Variants in PTPRD observed in about 807,000 individuals in gnomAD.
PTPRD encodes protein tyrosine phosphatase receptor type D.
A neutral mutation model predicts 214.5 loss-of-function variants in PTPRD; 34 were observed. That is an observed-to-expected ratio of 0.16 (90% confidence interval 0.12 to 0.21). The LOEUF (loss-of-function observed/expected upper bound fraction) is 0.21. Ranked by LOEUF, PTPRD falls within the 10% of genes least tolerant of loss-of-function variation. PTPRD has a pLI of 1.00. For missense variants in PTPRD, 2,545 were observed against 2,398.7 expected (o/e 1.06, Z -1.27); for synonymous variants, 1,128 against 845.7 (o/e 1.33, Z -5.79).
At chr9:10,142,541 C>T (rs1178775159) in intron 3 of PTPRD, among the ~76,000 whole-genome samples, 1 of 151,958 alleles carries the variant, frequency 6.6e-6, no homozygotes, top group Non-Finnish European at 1.5e-5. Context: ...CCATCACTAG[C>T]CATCAGAGAA....
intron 2 of PTPRD, among the ~76,000 whole-genome samples, chr9:10,584,272 T>C (rs547499466): frequency 2.5e-4 from 38 of 152,216 alleles, no homozygotes; most frequent in African/African-American, 8.2e-4. Context: ...AGGAACTGTA[T>C]TTGGCTCCTA....
chr9:8,337,742 T>C (rs1221495896), intron 43 of PTPRD, among the ~76,000 whole-genome samples: 3 of 152,084 alleles, frequency 2.0e-5, no homozygotes, highest in Admixed American at 1.3e-4. Flanking sequence ...ATGTGTGGAA[T>C]AGGAAAGGTG....
At chr9:9,003,208 T>C (rs1326876250) in intron 11 of PTPRD, among the ~76,000 whole-genome samples, 1 of 152,048 alleles carries the variant, frequency 6.6e-6, no homozygotes, top group African/African-American at 2.4e-5. Flanking sequence ...TACTTGAAAG[T>C]AACTGCCTCA....
At chr9:9,338,760 G>T (rs1488963487) in intron 9 of PTPRD, among the ~76,000 whole-genome samples, 3 of 151,954 alleles carry the variant, frequency 2.0e-5, no homozygotes, top group Non-Finnish European at 2.9e-5. Flanking sequence ...TGTTACATAG[G>T]TATACACATG....
chr9:8,487,425 A>C (rs1331175369), intron 27 of PTPRD, among the ~76,000 whole-genome samples: 5 of 151,946 alleles, frequency 3.3e-5, no homozygotes, highest in Non-Finnish European at 5.9e-5. Flanking sequence ...AAACTAAACC[A>C]AGTTAACAGA....
chr9:8,777,391 A>T (rs1164328887), intron 11 of PTPRD, among the ~76,000 whole-genome samples: 1 of 152,232 alleles, frequency 6.6e-6, no homozygotes, highest in African/African-American at 2.4e-5. Context: ...GAAAAATGAC[A>T]TCAATGTAAA....
chr9:10,526,616 G>T (rs997309759), intron 2 of PTPRD, among the ~76,000 whole-genome samples: 9 of 151,998 alleles, frequency 5.9e-5, no homozygotes, highest in African/African-American at 2.2e-4. Context: ...TTCCTAATAA[G>T]TTTCCACACA....
At chr9:9,582,236 G>A (rs1192356463) in intron 7 of PTPRD, among the ~76,000 whole-genome samples, 1 of 152,066 alleles carries the variant, frequency 6.6e-6, no homozygotes, top group Non-Finnish European at 1.5e-5. Flanking sequence ...TTAAGTTCTG[G>A]CAAAAGGACA....
chr9:8,749,854 C>T (rs1043962463), intron 11 of PTPRD, among the ~76,000 whole-genome samples: 1 of 152,094 alleles, frequency 6.6e-6, no homozygotes, highest in African/African-American at 2.4e-5. Flanking sequence ...GTAATCACAA[C>T]ACTTTGGGAG....
At chr9:9,823,218 G>A (rs959491910) in intron 5 of PTPRD, among the ~76,000 whole-genome samples, 1 of 152,140 alleles carries the variant, frequency 6.6e-6, no homozygotes, top group African/African-American at 2.4e-5. Flanking sequence ...TTTATAGGAA[G>A]CACAGTGCCT....
intron 35 of PTPRD, among the ~76,000 whole-genome samples, chr9:8,408,723 C>G (rs2093263767): frequency 6.6e-6 from 1 of 152,080 alleles, no homozygotes; most frequent in Admixed American, 6.6e-5. Flanking sequence ...GATGCCGCAC[C>G]ATTTTACATT....
intron 3 of PTPRD, among the ~76,000 whole-genome samples, chr9:10,164,378 A>C (rs940560788): frequency 6.6e-6 from 1 of 151,492 alleles, no homozygotes; most frequent in Non-Finnish European, 1.5e-5. Context: ...TCTAGTCATG[A>C]GTTTTCCAGA....
intron 2 of PTPRD, among the ~76,000 whole-genome samples, chr9:10,475,960 C>G (rs1034639774): frequency 3.3e-5 from 5 of 151,932 alleles, no homozygotes; most frequent in Admixed American, 6.6e-5. Context: ...TCTCAATAAA[C>G]TAGATATTGA....
intron 3 of PTPRD, among the ~76,000 whole-genome samples, chr9:10,227,345 T>C (rs1564646114): frequency 6.6e-6 from 1 of 152,046 alleles, no homozygotes; most frequent in African/African-American, 2.4e-5. Context: ...GGATTAAAAA[T>C]ATGTTGTAAG....
intron 4 of PTPRD, among the ~76,000 whole-genome samples, chr9:9,995,857 C>T (rs1468010733): frequency 2.0e-5 from 3 of 152,180 alleles, no homozygotes; most frequent in African/African-American, 4.8e-5. Flanking sequence ...ATTCAATCCC[C>T]TATTACTCAG....
At chr9:10,037,355 G>A (rs1330635989) in intron 3 of PTPRD, among the ~76,000 whole-genome samples, 1 of 151,998 alleles carries the variant, frequency 6.6e-6, no homozygotes, top group Non-Finnish European at 1.5e-5. Context: ...TGCAGCAGGA[G>A]TGAGTAACAA....
chr9:10,122,612 A>T (rs958825829), intron 3 of PTPRD, among the ~76,000 whole-genome samples: 2 of 152,186 alleles, frequency 1.3e-5, no homozygotes, highest in African/African-American at 4.8e-5. Context: ...AAACTTGATT[A>T]TCATACCACA....
chr9:8,456,569 T>C (rs576320336), intron 33 of PTPRD, among the ~76,000 whole-genome samples: 7 of 152,076 alleles, frequency 4.6e-5, no homozygotes, highest in Non-Finnish European at 1.0e-4. Context: ...TCATAGCATC[T>C]CAAAATATTC....
intron 8 of PTPRD, among the ~76,000 whole-genome samples, chr9:9,517,664 T>C (rs2154251493): frequency 6.6e-6 from 1 of 152,228 alleles, no homozygotes; most frequent in African/African-American, 2.4e-5. Flanking sequence ...GAGGTCATAT[T>C]GAAATTAAAA....
Sources: gnomAD v4.1 joint callset for allele counts (sites outside exome capture counted in the v4.1 genomes callset) on GRCh38, gnomAD v4.1.1 for gene constraint, MANE v1.5 for transcripts, NCBI Gene and HGNC (gene_info 2026-07-23, HGNC 2026-07-21) for gene names.